NEDD9: variants seen among roughly 807,000 people sequenced by gnomAD.
NEDD9 encodes neural precursor cell expressed, developmentally down-regulated 9.
A neutral mutation model predicts 76.6 loss-of-function variants in NEDD9; 26 were observed. The observed-to-expected ratio is 0.34, with a 90% CI of 0.25 to 0.47. The LOEUF is 0.47. NEDD9 is among the 20% of genes least tolerant of loss of function. NEDD9 has a pLI of 1.00. For missense variants in NEDD9, 937 were observed against 1,058.5 expected, an observed-to-expected ratio of 0.89 and a Z score of 1.59; for synonymous variants, 392 against 414.2, an observed-to-expected ratio of 0.95 and a Z score of 0.65.
At chr6:11,318,458 T>A (rs1466598719) in intron 2 of NEDD9, among the ~76,000 whole-genome samples, 1 of 152,142 alleles carries the variant, frequency 6.6e-6, no homozygotes, top group Non-Finnish European at 1.5e-5. Flanking sequence ...CATCATTGTC[T>A]GTGATCGCTG....
intron 1 of NEDD9, among the ~76,000 whole-genome samples, chr6:11,365,197 AG>A (rs1420300749): frequency 3.3e-5 from 5 of 152,136 alleles, no homozygotes; most frequent in Non-Finnish European, 7.3e-5. Flanking sequence ...CTACCTTTCA[AG>A]TGTTCTAGTT....
chr6:11,377,671 T>G (rs1657219386), intron 1 of NEDD9, among the ~76,000 whole-genome samples: 1 of 152,232 alleles, frequency 6.6e-6, no homozygotes, highest in South Asian at 2.1e-4. Context: ...GACACGACTT[T>G]GTACTTGATG....
In NEDD9 at chr6:11,370,071, A is replaced by T. The variant is rs535845656; in HGVS notation, c.-214+12068T>A. Among the ~76,000 whole-genome samples the T allele has an allele frequency of 6.6e-5, 10 of 152,354 alleles. No individual in the cohort carries two copies. The highest frequency in any genetic ancestry group is 2.4e-4 in the African/African-American group (10 of 41,584). ...ACTTCTCTAACTGGGTATTCAGGGA[A>T]TATCATTAGGGATGTCAACTGAGGT... is the stretch of plus-strand genomic sequence containing the variant. On this transcript the variant is annotated intron_variant, in intron 1 of 3. Coordinates refer to the NEDD9 transcript ENST00000397378. The surrounding 1 kb of genome is among the most constrained non-coding windows in gnomAD (Gnocchi z 4.2).
intron 1 of NEDD9, among the ~76,000 whole-genome samples, chr6:11,351,553 G>T (rs1385314176): frequency 6.6e-6 from 1 of 152,176 alleles, no homozygotes; most frequent in Non-Finnish European, 1.5e-5. Flanking sequence ...TAGGACATTG[G>T]ACCCTGGTGT....
intron 2 of NEDD9, among the ~76,000 whole-genome samples, chr6:11,318,397 G>A (rs1761642294): frequency 6.6e-6 from 1 of 152,196 alleles, no homozygotes; most frequent in African/African-American, 2.4e-5. Flanking sequence ...AGCGGGGGAT[G>A]AGAAACACAG....
At chr6:11,340,540 A>G (rs536641598) in intron 1 of NEDD9, among the ~76,000 whole-genome samples, 2 of 152,318 alleles carry the variant, frequency 1.3e-5, no homozygotes, top group African/African-American at 4.8e-5. Context: ...TCCATTGTAT[A>G]GAAATAAAGA....
At chr6:11,232,936 A>C (rs1392428583), upstream of NEDD9, among the ~76,000 whole-genome samples, 1 of 152,116 alleles carries the variant, frequency 6.6e-6, no homozygotes, top group Non-Finnish European at 1.5e-5. Context: ...AAAAGGAGAT[A>C]CATTCTTTTT....
chr6:11,258,168 A>G (rs1049183613), intron 3 of NEDD9, among the ~76,000 whole-genome samples: 5 of 152,222 alleles, frequency 3.3e-5, no homozygotes, highest in African/African-American at 1.2e-4. Flanking sequence ...ATCCCATAGC[A>G]TACTTAAGAG....
At position 11,192,432 on chromosome 6, in the gene NEDD9, A is replaced by T. The variant is rs746604216; in HGVS notation, c.576T>A (p.Pro192=). ...SHTTQGVYDI[P]PSSAKGPVFS... is the part of the protein sequence containing the mutation. ...ACACAGGGCCTTTTGCTGATGAGGG[A>T]GGGATGTCGTATACCTGAAGAGAAA... Residue 192 remains proline, a synonymous_variant, in exon 4 of 7, where the codon CCT becomes CCA. Transcript: ENST00000379446. 7 of 1,610,710 alleles carry T rather than the reference A, an allele frequency of 4.3e-6. No individual in the cohort carries two copies. In the Admixed American group the frequency reaches 1.2e-4, roughly 27 times the overall value.
At chr6:11,274,922 G>A (rs1419265034) in intron 3 of NEDD9, among the ~76,000 whole-genome samples, 1 of 152,188 alleles carries the variant, frequency 6.6e-6, no homozygotes, top group Non-Finnish European at 1.5e-5. Context: ...GTGTGTCAAA[G>A]AGCTCTCTGC....
chr6:11,213,778 C>G lies in NEDD9; in HGVS notation c.13-51G>C, dbSNP rs1399830311. 1 of 1,546,646 alleles carries G rather than the reference C, an allele frequency of 6.5e-7. No homozygotes were observed. The highest frequency in any genetic ancestry group is 8.9e-7 in the Non-Finnish European group (1 of 1,127,770). ...CCGTGTTAGAATATTGGGTCGGTCC[C>G]TTTATCACCTAAGGCCCGTGCTCTT... is the stretch of plus-strand genomic sequence containing the variant. On this transcript the variant is annotated intron_variant, in intron 1 of 6. Coordinates refer to ENST00000379446, the MANE Select transcript of NEDD9 (RefSeq NM_006403.4). This position sits in a 1 kb window ranked among gnomAD's most constrained non-coding sequence, Gnocchi z 5.4.
chr6:11,188,378 C>T (rs900233663), intron 5 of NEDD9, 71 bp from the exon 6 acceptor site: 83 of 1,250,034 alleles, frequency 6.6e-5, no homozygotes, highest in East Asian at 4.4e-4. Flanking sequence ...ATTTCATTGA[C>T]GGATGAGTAA....
At chr6:11,315,209 C>G (rs1761515212) in intron 2 of NEDD9, among the ~76,000 whole-genome samples, 1 of 152,182 alleles carries the variant, frequency 6.6e-6, no homozygotes. Context: ...GGAGCCCTAC[C>G]AAGATTTTGC....
chr6:11,185,599 A>C lies in NEDD9; in HGVS notation c.2068T>G (p.Ser690Ala), dbSNP rs752103593. ...CTGTTTGTGGTGGGTAGGCTCTGAG[A>C]GGGCTTCCACTTCGAGATGTCATTC... Reference protein sequence around the residue: ...VENDISKWKPSQSLPTTNSGV... With the variant: ...VENDISKWKPAQSLPTTNSGV... The change falls in exon 7 of 7, where the codon TCT (serine) becomes GCT (alanine). Residue 690 changes from serine to alanine, a missense_variant. By Grantham distance (99) the Ser-to-Ala change is moderately conservative (BLOSUM62 1). Transcript: ENST00000379446. 6.2e-7 allele frequency: 1 copy of C among 1,614,078 alleles called. No homozygotes were observed. Among genetic ancestry groups the C allele is most frequent in the East Asian group, 2.2e-5 (1 of 44,902 alleles).
chr6:11,366,270 A>G (rs372777949), intron 1 of NEDD9, among the ~76,000 whole-genome samples: 1 of 132,520 alleles, frequency 7.5e-6, no homozygotes, highest in African/African-American at 3.3e-5. Context: ...AGTCTGAGAA[A>G]GAAGGAAGGA....
At chr6:11,225,885 T>G (rs565249950) in intron 1 of NEDD9, among the ~76,000 whole-genome samples, 7 of 150,980 alleles carry the variant, frequency 4.6e-5, no homozygotes, top group Non-Finnish European at 8.8e-5. Context: ...AACATTCCAC[T>G]GGCAACTTTA....
At position 11,190,084 on chromosome 6, in the gene NEDD9, C is replaced by T; in HGVS notation, c.1785G>A (p.Lys595=). Residue 595 remains lysine (K), a synonymous_variant, in exon 5 of 7, where the codon AAG becomes AAA. Transcript: ENST00000379446. This position sits in a 1 kb window ranked among gnomAD's most constrained non-coding sequence, Gnocchi z 5.8. ...GCAGTGCCTTGTTGTGGGCCTGGGCCTTGTGGTCACCAGGATGCAGCAGCT... is the reference window on the plus strand; with the variant it reads ...GCAGTGCCTTGTTGTGGGCCTGGGCTTTGTGGTCACCAGGATGCAGCAGCT... ...QGQLLHPGDH[K]AQAHNKALPP... 1 of 1,607,544 alleles carries T rather than the reference C, an allele frequency of 6.2e-7. No homozygotes were observed. The highest frequency in any genetic ancestry group is 8.5e-7 in the Non-Finnish European group (1 of 1,176,274).
intron 1 of NEDD9, among the ~76,000 whole-genome samples, chr6:11,363,911 T>A (rs1319390373): frequency 2.6e-5 from 4 of 152,162 alleles, no homozygotes; most frequent in Admixed American, 1.3e-4. Context: ...CCTTATGTAA[T>A]CTCACAACAA....
In NEDD9 at chr6:11,370,939, G is replaced by A. The variant is rs185744159; in HGVS notation, c.-214+11200C>T. Among the ~76,000 whole-genome samples the A allele has an allele frequency of 1.9e-4, 29 of 152,220 alleles. No individual in the cohort carries two copies. In the East Asian group the frequency reaches 5.0e-3, roughly 26 times the overall value. Reference sequence around the variant, plus strand: ...GCATGGCATGTGAGGGAGGGCTGGCGGATTGGGTGACTTGTGGCCCAGAGC... The same window carrying A: ...GCATGGCATGTGAGGGAGGGCTGGCAGATTGGGTGACTTGTGGCCCAGAGC... On this transcript the variant is annotated intron_variant, in intron 1 of 3. Coordinates refer to the NEDD9 transcript ENST00000397378. The surrounding 1 kb of genome is among the most constrained non-coding windows in gnomAD (Gnocchi z 4.2).
Sources: allele counts gnomAD v4.1 joint callset (sites outside exome capture counted in the v4.1 genomes callset), GRCh38; gene constraint gnomAD v4.1.1; non-coding constraint Gnocchi (gnomAD v3.1); transcripts MANE v1.5; gene names NCBI Gene and HGNC (gene_info 2026-07-23, HGNC 2026-07-21).